The following CEP20 variants were observed in gnomAD, a reference collection of about 807,000 sequenced individuals.
CEP20 encodes the protein FGFR1OP N-terminal like.
In CEP20, 18 loss-of-function variants were observed where a neutral mutation model predicts 20.0. That is an observed-to-expected ratio of 0.90 (90% CI 0.62 to 1.34). The LOEUF (loss-of-function observed/expected upper bound fraction) is 1.34, where lower values mean the gene tolerates loss of function less well. Among genes scored for constraint, CEP20 ranks in the 40% most tolerant of loss-of-function variants. CEP20 has a pLI of 0.00. For missense variants in CEP20, 215 were observed against 201.6 expected (o/e 1.07, Z -0.40); for synonymous variants, 77 against 73.7 (o/e 1.04, Z -0.23).
intron 4 of CEP20, among the ~76,000 whole-genome samples, chr16:15,868,811 GA>G (rs1467648850): frequency 3.9e-5 from 6 of 152,144 alleles, no homozygotes; most frequent in African/African-American, 1.4e-4. Context: ...AGGTCTTCTA[GA>G]AAAGTGTTAT....
At chr16:15,876,525 G>A (rs959402501) in intron 3 of CEP20, among the ~76,000 whole-genome samples, 3 of 151,470 alleles carry the variant, frequency 2.0e-5, no homozygotes, top group African/African-American at 7.3e-5. Flanking sequence ...GAGTGCAGCA[G>A]CAAGATCATG....
chr16:15,874,043 G>A (rs1426682195), intron 3 of CEP20, among the ~76,000 whole-genome samples: 1 of 152,154 alleles, frequency 6.6e-6, no homozygotes, highest in Non-Finnish European at 1.5e-5. Flanking sequence ...TGAGAGCCAG[G>A]TGACCTGAGT....
At chr16:15,872,310 T>C (rs1006219489) in intron 4 of CEP20, among the ~76,000 whole-genome samples, 20 of 147,700 alleles carry the variant, frequency 1.4e-4, no homozygotes, top group Non-Finnish European at 2.4e-4. Flanking sequence ...CGAGACTCTG[T>C]CTCAAAAAAA....
intron 2 of CEP20, among the ~76,000 whole-genome samples, chr16:15,881,472 T>C (rs60155511): frequency 0.069 from 10,543 of 152,238 alleles, 486 homozygotes; most frequent in East Asian, 0.22. Context: ...ATGTTTAATA[T>C]TAAATAAAGG....
chr16:15,883,175 A>T (rs1275644428), intron 2 of CEP20: 1 of 152,194 alleles, frequency 6.6e-6, no homozygotes, highest in African/African-American at 2.4e-5. Context: ...CAGGCTGGGC[A>T]ACATAGTGAG....
At chr16:15,872,257 T>C (rs1184526286) in intron 4 of CEP20, among the ~76,000 whole-genome samples, 2 of 148,568 alleles carry the variant, frequency 1.3e-5, no homozygotes, top group African/African-American at 5.0e-5. Context: ...GAGCTTACAG[T>C]GAGACGAGAT....
At chr16:15,883,939 G>A in intron 2 of CEP20, 69 bp downstream of exon 2, 1 of 1,358,040 alleles carries the variant, frequency 7.4e-7, no homozygotes, top group Non-Finnish European at 1.0e-6. Context: ...AGATTTCTAG[G>A]ATAAACAGTT....
chr16:15,882,214 C>T (rs1382973654), intron 2 of CEP20, among the ~76,000 whole-genome samples: 1 of 152,200 alleles, frequency 6.6e-6, no homozygotes, highest in African/African-American at 2.4e-5. Flanking sequence ...CAGTGCCATG[C>T]TTGTACAGTC....
intron 4 of CEP20, among the ~76,000 whole-genome samples, chr16:15,867,854 T>A (rs1198718737): frequency 6.6e-6 from 1 of 151,140 alleles, no homozygotes; most frequent in Non-Finnish European, 1.5e-5. Context: ...GCGCCTGTAA[T>A]CCCAGCTACT....
chr16:15,883,544 CTT>C (rs2045163226), intron 2 of CEP20, among the ~76,000 whole-genome samples: 1 of 152,018 alleles, frequency 6.6e-6, no homozygotes, highest in Non-Finnish European at 1.5e-5. Context: ...TTTAAAAACT[CTT>C]TTCCAGAGAT....
chr16:15,872,097 G>A (rs1411611549), intron 4 of CEP20, among the ~76,000 whole-genome samples: 1 of 152,124 alleles, frequency 6.6e-6, no homozygotes, highest in East Asian at 1.9e-4. Context: ...GGCGGATCAT[G>A]AGGTCAGGAG....
At chr16:15,886,212 C>G (rs1444217802) in intron 1 of CEP20, 1 of 152,212 alleles carries the variant, frequency 6.6e-6, no homozygotes, top group Non-Finnish European at 1.5e-5. Context: ...TCAGTATGGA[C>G]ATAAGATCTT....
chr16:15,872,905 T>C (rs2044854712), intron 4 of CEP20, among the ~76,000 whole-genome samples: 1 of 152,060 alleles, frequency 6.6e-6, no homozygotes, highest in Non-Finnish European at 1.5e-5. Context: ...AACAGTATCC[T>C]AAAAATGCAA....
In CEP20 at chr16:15,867,124, C is replaced by T. The variant is rs1330898840; in HGVS notation, c.*316G>A. The T allele has an allele frequency of 5.3e-6, 1 of 189,928 alleles. No homozygotes were observed. Among genetic ancestry groups the T allele is most frequent in the East Asian group, 1.4e-4 (1 of 7,316 alleles). 11.8% of individuals were successfully genotyped at this position (189,928 alleles called of 1,614,324 possible). On this transcript the variant is annotated 3_prime_UTR_variant, in exon 5 of 5. Coordinates refer to ENST00000255759, the MANE Select transcript of CEP20 (RefSeq NM_144600.4). The stretch of plus-strand genomic sequence containing the variant: ...TTGGGAGGCTGAGGCAGGAGAATCA[C>T]TTGAATCCGGGAGGCAGAGATTGCA...
At chr16:15,882,224 C>T (rs972421670) in intron 2 of CEP20, among the ~76,000 whole-genome samples, 6 of 152,202 alleles carry the variant, frequency 3.9e-5, no homozygotes, top group African/African-American at 9.6e-5. Context: ...CTTGTACAGT[C>T]TGCAGAACCG....
chr16:15,873,505 C>T lies in CEP20; in HGVS notation c.434G>A (p.Arg145Lys). The change falls in exon 4 of 5, where the codon AGA becomes AAA. Residue 145 changes from arginine to lysine, a missense_variant. Coordinates refer to ENST00000255759, the MANE Select transcript of CEP20 (RefSeq NM_144600.4). ...SDPSLGRQPS[R>K]RKPMDDHLRK... The stretch of plus-strand genomic sequence containing the variant: ...AAAACTCATACCCATTGGCTTTCTT[C>T]TACTAGGTTGTCTGCCAAGACTTGG... The T allele has an allele frequency of 6.3e-7, 1 of 1,593,856 alleles. No individual in the cohort carries two copies. Among genetic ancestry groups the T allele is most frequent in the Non-Finnish European group, 8.5e-7 (1 of 1,172,744 alleles).
intron 1 of CEP20, 49 bp downstream of exon 1, chr16:15,888,509 G>A: frequency 1.9e-6 from 3 of 1,613,394 alleles, no homozygotes; most frequent in African/African-American, 1.3e-5. Context: ...CTTTCCACAA[G>A]ATGAAGGCCC....
In CEP20 at chr16:15,873,527, T is replaced by C; in HGVS notation, c.412A>G (p.Ser138Gly). ...KGPSLQPSDP[S>G]LGRQPSRRKP... ...CTTCTACTAGGTTGTCTGCCAAGAC[T>C]TGGGTCTGAAGGCTGAAGTGAAGGC... is the stretch of plus-strand genomic sequence containing the variant. Residue 138 changes from serine to glycine, a missense_variant, in exon 4 of 5, where the codon AGT becomes GGT. By Grantham distance (56) the Ser-to-Gly change is moderately conservative (BLOSUM62 0). Transcript: ENST00000255759. The C allele has an allele frequency of 6.2e-7, 1 of 1,614,000 alleles. No homozygotes were observed. Among genetic ancestry groups the C allele is most frequent in the Non-Finnish European group, 8.5e-7 (1 of 1,179,914 alleles).
At chr16:15,872,001 C>G (rs932920098) in intron 4 of CEP20, among the ~76,000 whole-genome samples, 21 of 152,132 alleles carry the variant, frequency 1.4e-4, no homozygotes, top group Non-Finnish European at 2.6e-4. Context: ...TAAACCCCAC[C>G]TTTAACTGTC....
Sources: gnomAD v4.1 joint callset for allele counts (sites outside exome capture counted in the v4.1 genomes callset) on GRCh38, gnomAD v4.1.1 for gene constraint, MANE v1.5 for transcripts, NCBI Gene and HGNC (gene_info 2026-07-23, HGNC 2026-07-21) for gene names.